SLC12A1: variants seen among roughly 807,000 people sequenced by gnomAD.
SLC12A1 encodes the protein solute carrier family 12 member 1, also known as Na-K-2Cl cotransporter.
Under a neutral mutation model 130.4 loss-of-function variants are expected in SLC12A1, and 89 were observed. The ratio of observed to expected loss-of-function variants is 0.68; its 90% CI spans 0.58 to 0.81. The LOEUF is 0.81. SLC12A1 is among the 40% of genes least tolerant of loss of function. The pLI is 0.00. For missense variants in SLC12A1, 1,310 were observed against 1,336.4 expected (o/e 0.98, Z 0.31); for synonymous variants, 499 against 460.0 (o/e 1.08, Z -1.09).
At chr15:48,297,542 G>A (rs994394524) in intron 24 of SLC12A1, among the ~76,000 whole-genome samples, 5 of 152,152 alleles carry the variant, frequency 3.3e-5, no homozygotes, top group Non-Finnish European at 7.4e-5. Context: ...AACTATTTTT[G>A]TACTGTGCTT....
chr15:48,209,042 T>TGTTA (rs1172683942), intron 2 of SLC12A1, among the ~76,000 whole-genome samples: 1 of 152,208 alleles, frequency 6.6e-6, no homozygotes, highest in Non-Finnish European at 1.5e-5. Context: ...TTCCCAAGTC[T>TGTTA]GTTAGAAGTG....
chr15:48,255,451 AAAG>A (rs1423461056), intron 15 of SLC12A1, among the ~76,000 whole-genome samples: 11 of 151,630 alleles, frequency 7.3e-5, no homozygotes, highest in Non-Finnish European at 1.5e-4. Flanking sequence ...AAAAAAAAAA[AAAG>A]AAGAATTTGT....
At chr15:48,276,283 T>C (rs955210139) in intron 20 of SLC12A1, among the ~76,000 whole-genome samples, 1 of 152,116 alleles carries the variant, frequency 6.6e-6, no homozygotes, top group African/African-American at 2.4e-5. Context: ...GTCCTCATCA[T>C]AAAAGAGAAA....
At chr15:48,227,545 C>T (rs1003145534) in intron 5 of SLC12A1, 3 of 274,026 alleles carry the variant, frequency 1.1e-5, no homozygotes, top group African/African-American at 6.7e-5. Flanking sequence ...TGATGATTGC[C>T]ACTCAGTAAA....
At chr15:48,275,356 C>T (rs945317549) in intron 20 of SLC12A1, among the ~76,000 whole-genome samples, 1 of 152,156 alleles carries the variant, frequency 6.6e-6, no homozygotes, top group Non-Finnish European at 1.5e-5. Context: ...CTGTTATGTA[C>T]CAGGCATAGT....
At chr15:48,232,188 A>C (rs6493310) in intron 7 of SLC12A1, among the ~76,000 whole-genome samples, 2 of 152,266 alleles carry the variant, frequency 1.3e-5, no homozygotes, top group Admixed American at 1.3e-4. Context: ...AACACCTTGC[A>C]GCATTGGAGG....
chr15:48,293,663 C>T (rs1025030816), intron 24 of SLC12A1, among the ~76,000 whole-genome samples: 1 of 152,162 alleles, frequency 6.6e-6, no homozygotes, highest in African/African-American at 2.4e-5. Context: ...AAGATGCATT[C>T]CTACTGATCA....
Position 48,241,517 on chromosome 15 carries a change from T to A in SLC12A1, c.1218T>A (p.Asp406Glu), listed in dbSNP as rs1567317911. ...AGANISGDLE[D>E]PQDAIPRGTM... ...ACCTCCACATTATTTTTTTAAAGGA[T>A]CCCCAAGATGCCATCCCCAGAGGAA... Residue 406 changes from aspartate to glutamate, a missense_variant and splice_region_variant, in exon 10 of 27, where the codon GAT becomes GAA. Physicochemically the swap from Asp to Glu is conservative, Grantham distance 45 (BLOSUM62 2). Transcript: ENST00000380993. 7.4e-6 allele frequency: 12 copies of A among 1,611,078 alleles called. No homozygotes were observed. The highest frequency in any genetic ancestry group is 1.0e-5 in the Non-Finnish European group (12 of 1,177,286).
At chr15:48,250,676 T>TCA (rs56705329) in intron 14 of SLC12A1, among the ~76,000 whole-genome samples, 246 of 146,026 alleles carry the variant, frequency 1.7e-3, no homozygotes, top group Admixed American at 4.8e-3. Context: ...AATGTCTGCC[T>TCA]CACACACACA....
chr15:48,249,469 C>A, intron 13 of SLC12A1, 106 bp from the exon 14 acceptor site: 1 of 861,796 alleles, frequency 1.2e-6, no homozygotes, highest in Non-Finnish European at 2.0e-6. Flanking sequence ...CAGATGCTCG[C>A]TATGTTTTCA....
chr15:48,273,103 A>G (rs1173046767), intron 19 of SLC12A1, among the ~76,000 whole-genome samples: 1 of 147,960 alleles, frequency 6.8e-6, no homozygotes, highest in Non-Finnish European at 1.5e-5. Context: ...AGACTGTCAA[A>G]AAAAAAAAAA....
chr15:48,239,841 G>C (rs2041482380), intron 9 of SLC12A1, among the ~76,000 whole-genome samples: 1 of 151,454 alleles, frequency 6.6e-6, no homozygotes, highest in Admixed American at 6.6e-5. Context: ...AGTAGAGATG[G>C]GGTTTCGCCA....
intron 2 of SLC12A1, among the ~76,000 whole-genome samples, chr15:48,211,928 G>T (rs1021868462): frequency 2.0e-5 from 3 of 152,148 alleles, no homozygotes; most frequent in Non-Finnish European, 2.9e-5. Context: ...TTAGTAAAGA[G>T]CTAAATACCT....
chr15:48,269,512 G>T (rs1480262549), intron 18 of SLC12A1, 146 bp from the exon 19 acceptor site: 1 of 475,332 alleles, frequency 2.1e-6, no homozygotes, highest in African/African-American at 2.0e-5. Flanking sequence ...TTGGGTACGG[G>T]CATGAAGGAC....
Position 48,240,092 on chromosome 15 carries a change from CATATATATATATATATATCCAT to C in SLC12A1, c.1216-1409_1216-1388del, listed in dbSNP as rs1567317142. Among the ~76,000 whole-genome samples, 93 of 60,396 alleles carry C rather than the reference CATATATATATATATATATCCAT, an allele frequency of 1.5e-3. 1 individual carries two copies. Among genetic ancestry groups the C allele is most frequent in the African/African-American group, 6.8e-3 (83 of 12,178 alleles). The allele number at this position is 60,396 out of a possible 152,430, so 39.6% of individuals were successfully genotyped here. A position where few individuals can be genotyped will look rare whatever the true frequency, so the allele number is the denominator to read the frequency against. ...ATATCCATATATATATATATATATC[CATATATATATATATATATCCAT>C]ATATATATATATAATATGCATAAAT... is the stretch of plus-strand genomic sequence containing the variant. On this transcript the variant is annotated intron_variant, in intron 9 of 26. Transcript: ENST00000380993.
intron 2 of SLC12A1, among the ~76,000 whole-genome samples, chr15:48,212,895 C>G (rs995267233): frequency 1.3e-5 from 2 of 152,136 alleles, no homozygotes; most frequent in Non-Finnish European, 2.9e-5. Flanking sequence ...TAAATAAAAG[C>G]ATTAACTTTA....
chr15:48,226,415 C>G (rs576809437), intron 4 of SLC12A1, 61 bp from the exon 5 acceptor site: 1 of 1,036,300 alleles, frequency 9.6e-7, no homozygotes. Context: ...TAGTTTGCAG[C>G]AATAGGGAAT....
rs767101032 is a variant in SLC12A1, at chr15:48,285,164, T to A, written c.2544T>A (p.Asn848Lys). ...CATTGGAAGCGACTATCAAAGATAA[T>A]GAGTGTGAAGAGGAAAGTGGAGGCA... is the stretch of plus-strand genomic sequence containing the variant. ...RLALEATIKD[N>K]ECEEESGGIR... is the part of the protein sequence containing the mutation. Residue 848 changes from asparagine to lysine, a missense_variant, in exon 21 of 27, where the codon AAT (asparagine) becomes AAA (lysine). Physicochemically the swap from Asn to Lys is moderately conservative, Grantham distance 94. Transcript: ENST00000380993. 40 of 1,613,488 alleles carry A rather than the reference T, an allele frequency of 2.5e-5. No individual in the cohort carries two copies. The South Asian group carries it at 4.3e-4, about 17-fold the overall frequency.
intron 15 of SLC12A1, among the ~76,000 whole-genome samples, 184 bp from the exon 16 acceptor site, chr15:48,255,627 A>G (rs1470617708): frequency 6.6e-6 from 1 of 152,200 alleles, no homozygotes; most frequent in African/African-American, 2.4e-5. Flanking sequence ...AGATTCACGT[A>G]GTATTCATAG....
Sources: gnomAD v4.1 joint callset for allele counts (sites outside exome capture counted in the v4.1 genomes callset) on GRCh38, gnomAD v4.1.1 for gene constraint, MANE v1.5 for transcripts, NCBI Gene and HGNC (gene_info 2026-07-23, HGNC 2026-07-21) for gene names.